The following TRAF3 variants were observed in gnomAD, a reference collection of about 807,000 sequenced individuals.
TRAF3 encodes TNF receptor-associated factor 3.
TRAF3 carries 13 observed loss-of-function variants against 62.3 expected under a neutral mutation model. The observed-to-expected ratio is 0.21, with a 90% confidence interval of 0.14 to 0.33. TRAF3 has a LOEUF of 0.33. Among genes scored for constraint, TRAF3 ranks in the 10% least tolerant of loss-of-function variants. TRAF3 has a pLI of 1.00. For missense variants in TRAF3, 440 were observed against 741.8 expected, an observed-to-expected ratio of 0.59 and a Z score of 4.73; for synonymous variants, 269 against 283.4, an observed-to-expected ratio of 0.95 and a Z score of 0.51.
chr14:102,809,531 T>C (rs1898994088), intron 1 of TRAF3, among the ~76,000 whole-genome samples: 1 of 71,712 alleles, frequency 1.4e-5, no homozygotes, highest in African/African-American at 1.4e-4. Context: ...AGCATAGACT[T>C]TTTTTTTTTT....
chr14:102,813,494 A>G (rs1398962079), intron 1 of TRAF3, among the ~76,000 whole-genome samples: 1 of 145,908 alleles, frequency 6.9e-6, no homozygotes, highest in African/African-American at 2.5e-5. Flanking sequence ...TCTGTCACCC[A>G]GGCTGGAGTG....
intron 2 of TRAF3, among the ~76,000 whole-genome samples, chr14:102,837,136 G>T (rs1278457395): frequency 1.5e-5 from 2 of 130,366 alleles, no homozygotes; most frequent in African/African-American, 6.5e-5. Flanking sequence ...GTGTGTGTGT[G>T]TGTGTGTTTT....
intron 1 of TRAF3, among the ~76,000 whole-genome samples, chr14:102,820,889 C>T (rs1899943971): frequency 6.6e-6 from 1 of 151,658 alleles, no homozygotes. Flanking sequence ...CCTGGCTCAG[C>T]CTCCCAAAGT....
At chr14:102,887,426 C>T (rs1889458200) in intron 7 of TRAF3, among the ~76,000 whole-genome samples, 1 of 152,198 alleles carries the variant, frequency 6.6e-6, no homozygotes, top group Non-Finnish European at 1.5e-5. Context: ...CCAGGGTGTG[C>T]CCTCCCAGCA....
rs75938667 is a variant in TRAF3, at chr14:102,893,387, C to CAA, written c.819+1986_819+1987dup. On this transcript the variant is annotated intron_variant, in intron 9 of 11. Coordinates refer to ENST00000392745, the MANE Select transcript of TRAF3 (RefSeq NM_145725.3). ...CCTGGGCGACAGAATGAGACTGTCT[C>CAA]AAAAAAAAAAAAAAAAAGGAATGGG... Among the ~76,000 whole-genome samples, 327 of 76,880 alleles carry CAA rather than the reference C, an allele frequency of 4.3e-3. 2 individuals carry two copies. Among genetic ancestry groups the CAA allele is most frequent in the African/African-American group, 0.013 (302 of 23,026 alleles). The allele number at this position is 76,880 out of a possible 152,430, so 50.4% of individuals were successfully genotyped here. A position where few individuals can be genotyped will look rare whatever the true frequency, so the allele number is the denominator to read the frequency against.
rs561941029 is a variant in TRAF3 at position 102,872,699 on chromosome 14, C to CTTTT, written c.297+738_297+741dup. ...TCTCTCTCCTTTCTTTCTTCTTTTT[C>CTTTT]TTTTTTTTTTGCGACAGAGTTCACT... On this transcript the variant is annotated intron_variant, in intron 4 of 11. Coordinates refer to ENST00000392745, the MANE Select transcript of TRAF3 (RefSeq NM_145725.3). 5.2e-3 allele frequency among the ~76,000 whole-genome samples: 767 copies of CTTTT among 148,210 alleles called. 7 individuals carry two copies. The highest frequency in any genetic ancestry group is 9.7e-3 in the Admixed American group (145 of 14,926).
intron 1 of TRAF3, chr14:102,810,687 G>A (rs1899065876): frequency 1.3e-5 from 2 of 152,194 alleles, no homozygotes; most frequent in Non-Finnish European, 2.9e-5. Flanking sequence ...TGAAGCCTCA[G>A]TGATCCTATA....
intron 2 of TRAF3, among the ~76,000 whole-genome samples, chr14:102,853,957 C>A (rs1887208642): frequency 6.6e-6 from 1 of 152,192 alleles, no homozygotes; most frequent in South Asian, 2.1e-4. Flanking sequence ...TCGCTTGCCC[C>A]AGCCTCTGGC....
rs578168050 is a variant in TRAF3 at position 102,778,006 on chromosome 14, C to T, written c.-157+331C>T. 5.1e-3 allele frequency among the ~76,000 whole-genome samples: 770 copies of T among 150,702 alleles called. 6 individuals carry two copies. Among genetic ancestry groups the T allele is most frequent in the Admixed American group, 9.1e-3 (138 of 15,166 alleles). ...CGCAGGCCTCGCTACGGCCGTGACCCCCGCTGGCGTTGAGGACCCGGCACC... is the reference window on the plus strand; with the variant it reads ...CGCAGGCCTCGCTACGGCCGTGACCTCCGCTGGCGTTGAGGACCCGGCACC... On this transcript the variant is annotated intron_variant, in intron 1 of 11. Transcript: ENST00000392745.
chr14:102,805,048 C>A (rs1415960018), intron 1 of TRAF3, among the ~76,000 whole-genome samples: 2 of 152,146 alleles, frequency 1.3e-5, no homozygotes, highest in Non-Finnish European at 2.9e-5. Flanking sequence ...TCTTTAATGC[C>A]TTAATTACTT....
intron 2 of TRAF3, among the ~76,000 whole-genome samples, chr14:102,834,592 G>A (rs374952833): frequency 4.0e-5 from 6 of 150,248 alleles, no homozygotes; most frequent in East Asian, 4.0e-4. Flanking sequence ...AGAGGCTGAG[G>A]CAGGAGAATG....
chr14:102,861,647 C>T (rs1566780709), intron 2 of TRAF3, among the ~76,000 whole-genome samples: 1 of 152,092 alleles, frequency 6.6e-6, no homozygotes, highest in Non-Finnish European at 1.5e-5. Flanking sequence ...GGAAAGGGGT[C>T]CCAATCCAGA....
At chr14:102,789,667 T>A (rs1897697034) in intron 1 of TRAF3, among the ~76,000 whole-genome samples, 1 of 152,032 alleles carries the variant, frequency 6.6e-6, no homozygotes, top group Non-Finnish European at 1.5e-5. Flanking sequence ...AAAGCTATTC[T>A]AGTTAAAGTG....
At chr14:102,901,521 C>T (rs554465279) in intron 10 of TRAF3, among the ~76,000 whole-genome samples, 15 of 152,248 alleles carry the variant, frequency 9.9e-5, no homozygotes, top group African/African-American at 3.6e-4. Flanking sequence ...TGTTCAGTGT[C>T]GTCAGTGGTA....
chr14:102,885,450 C>T (rs1339564589), intron 6 of TRAF3, among the ~76,000 whole-genome samples: 1 of 152,172 alleles, frequency 6.6e-6, no homozygotes, highest in Non-Finnish European at 1.5e-5. Context: ...ATCAGTCTCT[C>T]CCCAGGGGCC....
At chr14:102,812,679 G>C (rs1485236816) in intron 1 of TRAF3, among the ~76,000 whole-genome samples, 1 of 152,128 alleles carries the variant, frequency 6.6e-6, no homozygotes, top group African/African-American at 2.4e-5. Context: ...CAGCACTTTG[G>C]GAGGCCGAGG....
chr14:102,886,137 G>A, intron 6 of TRAF3, 52 bp from the exon 7 acceptor site: 1 of 1,595,470 alleles, frequency 6.3e-7, no homozygotes, highest in South Asian at 1.1e-5. Flanking sequence ...CAGCGGGACT[G>A]AAGGAAGACA....
intron 9 of TRAF3, among the ~76,000 whole-genome samples, chr14:102,893,591 G>A (rs943621951): frequency 6.6e-6 from 1 of 152,088 alleles, no homozygotes; most frequent in African/African-American, 2.4e-5. Flanking sequence ...TGAATGGTTT[G>A]CATCATTGGA....
chr14:102,860,094 G>C (rs1346186103), intron 2 of TRAF3, among the ~76,000 whole-genome samples: 1 of 152,182 alleles, frequency 6.6e-6, no homozygotes, highest in Non-Finnish European at 1.5e-5. Flanking sequence ...CTCTCAGTGG[G>C]GAAGGGTGAG....
Sources: gnomAD v4.1 joint callset for allele counts (sites outside exome capture counted in the v4.1 genomes callset) on GRCh38, gnomAD v4.1.1 for gene constraint, MANE v1.5 for transcripts, NCBI Gene and HGNC (gene_info 2026-07-23, HGNC 2026-07-21) for gene names.